WDPCP: variants seen among roughly 807,000 people sequenced by gnomAD.
WDPCP encodes WD repeat-containing and planar cell polarity effector protein fritz homolog.
In WDPCP, 71 loss-of-function variants were observed where a neutral mutation model predicts 93.1. The observed-to-expected ratio is 0.76, with a 90% CI of 0.63 to 0.93. The LOEUF (loss-of-function observed/expected upper bound fraction) is 0.93, where lower values mean the gene tolerates loss of function less well. WDPCP is among the 40% of genes least tolerant of loss of function. WDPCP has a pLI of 0.00. For missense variants in WDPCP, 844 were observed against 887.4 expected, an observed-to-expected ratio of 0.95 and a Z score of 0.62; for synonymous variants, 315 against 315.0, an observed-to-expected ratio of 1.00 and a Z score of 0.00.
chr2:63,432,875 A>G (rs572900418), intron 9 of WDPCP, among the ~76,000 whole-genome samples: 1 of 152,340 alleles, frequency 6.6e-6, no homozygotes, highest in Non-Finnish European at 1.5e-5. Context: ...CACAGAACAC[A>G]GAATTAGCTA....
intron 16 of WDPCP, 24 bp downstream of exon 16, chr2:63,153,471 C>T (rs535739534): frequency 2.6e-6 from 4 of 1,566,820 alleles, no homozygotes; most frequent in East Asian, 2.3e-5. Context: ...ACTTTGAATA[C>T]TTGGGTGTCT....
intron 10 of WDPCP, among the ~76,000 whole-genome samples, chr2:63,384,845 G>A (rs1257773966): frequency 1.3e-5 from 2 of 151,660 alleles, no homozygotes; most frequent in African/African-American, 4.8e-5. Context: ...GAATTACACT[G>A]ACACCAAAAA....
chr2:63,170,958 C>T (rs1350556706), intron 15 of WDPCP, among the ~76,000 whole-genome samples: 4 of 151,422 alleles, frequency 2.6e-5, no homozygotes, highest in Admixed American at 6.6e-5. Context: ...AAAGGCAATT[C>T]AGTGGGGAAA....
intron 14 of WDPCP, among the ~76,000 whole-genome samples, chr2:63,226,829 T>TA (rs1440236022): frequency 6.6e-6 from 1 of 151,952 alleles, no homozygotes; most frequent in African/African-American, 2.4e-5. Flanking sequence ...GAAGCAGTCT[T>TA]ATGCACAACA....
At chr2:63,414,732 G>A (rs1330393847) in intron 9 of WDPCP, among the ~76,000 whole-genome samples, 1 of 152,184 alleles carries the variant, frequency 6.6e-6, no homozygotes, top group Non-Finnish European at 1.5e-5. Context: ...GGAGGAAGGA[G>A]TGGAAGGGGA....
At chr2:63,658,030 C>A (rs1234574436) in intron 2 of WDPCP, among the ~76,000 whole-genome samples, 1 of 152,116 alleles carries the variant, frequency 6.6e-6, no homozygotes, top group African/African-American at 2.4e-5. Context: ...AGATAAAGGA[C>A]AATCTATAAT....
intron 14 of WDPCP, among the ~76,000 whole-genome samples, chr2:63,207,180 T>C (rs540013351): frequency 1.3e-5 from 2 of 152,326 alleles, no homozygotes; most frequent in East Asian, 1.9e-4. Context: ...TGTTGGCTGT[T>C]TGAATCTCAT....
At chr2:63,669,084 C>T (rs1710316674) in intron 2 of WDPCP, among the ~76,000 whole-genome samples, 1 of 152,142 alleles carries the variant, frequency 6.6e-6, no homozygotes, top group East Asian at 1.9e-4. Context: ...AGGTCAGTAA[C>T]ACATCTGTTC....
At chr2:63,365,202 T>C (rs1029425183) in intron 12 of WDPCP, among the ~76,000 whole-genome samples, 2 of 152,158 alleles carry the variant, frequency 1.3e-5, no homozygotes, top group African/African-American at 4.8e-5. Flanking sequence ...ACATGGCCCA[T>C]GTGGAAGAAT....
chr2:63,819,737 A>T (rs1241352706), intron 1 of WDPCP, among the ~76,000 whole-genome samples: 6 of 152,116 alleles, frequency 3.9e-5, no homozygotes, highest in African/African-American at 1.4e-4. Context: ...CCTTCACTTA[A>T]AAGAGAGAGG....
chr2:63,529,688 T>C (rs933103742), intron 1 of WDPCP, among the ~76,000 whole-genome samples: 3 of 152,218 alleles, frequency 2.0e-5, no homozygotes, highest in Non-Finnish European at 2.9e-5. Context: ...TTTTTCGTTG[T>C]GTCTCTGCCA....
chr2:63,230,699 AT>A (rs1678785822), intron 14 of WDPCP, among the ~76,000 whole-genome samples: 1 of 152,042 alleles, frequency 6.6e-6, no homozygotes, highest in Non-Finnish European at 1.5e-5. Flanking sequence ...GATGATGAGC[AT>A]TTTTTCATGT....
intron 2 of WDPCP, among the ~76,000 whole-genome samples, chr2:63,714,903 T>A (rs1444111154): frequency 6.6e-6 from 1 of 152,138 alleles, no homozygotes; most frequent in East Asian, 1.9e-4. Flanking sequence ...TAGTCAAAGG[T>A]GGCAACAACC....
intron 6 of WDPCP, among the ~76,000 whole-genome samples, chr2:63,445,323 G>A (rs1258743172): frequency 6.6e-6 from 1 of 151,940 alleles, no homozygotes; most frequent in Non-Finnish European, 1.5e-5. Flanking sequence ...TCCTCACTGG[G>A]GTCTCCCAGT....
chr2:63,739,761 A>G (rs751086674), intron 2 of WDPCP, among the ~76,000 whole-genome samples: 5 of 151,966 alleles, frequency 3.3e-5, no homozygotes, highest in Admixed American at 2.0e-4. Flanking sequence ...ACTTTTATTA[A>G]TAATAGCCAT....
chr2:63,233,710 TC>T (rs1229535866), intron 14 of WDPCP: 2 of 152,944 alleles, frequency 1.3e-5, no homozygotes, highest in Non-Finnish European at 2.9e-5. Context: ...TGTCTTAGTA[TC>T]CTCAATTCAA....
Position 63,161,880 on chromosome 2 carries a change from C to T in WDPCP, c.2079-8306G>A, listed in dbSNP as rs143595007. On this transcript the variant is annotated intron_variant, in intron 15 of 17. Coordinates refer to ENST00000272321, the MANE Select transcript of WDPCP (RefSeq NM_015910.7). ...CTGTGTTCAAGCGATTCTCCTGCCT[C>T]GGCCTCCTGAGTAGCTGGGACTGCA... Among the ~76,000 whole-genome samples, 259 of 152,038 alleles carry T rather than the reference C, an allele frequency of 1.7e-3. 5 individuals carry two copies. In the East Asian group the frequency reaches 0.044, roughly 26 times the overall value.
At chr2:63,236,111 C>T (rs1489717831) in intron 14 of WDPCP, among the ~76,000 whole-genome samples, 1 of 152,132 alleles carries the variant, frequency 6.6e-6, no homozygotes, top group Non-Finnish European at 1.5e-5. Flanking sequence ...GACTCCTAGA[C>T]CTGATAAATG....
chr2:63,240,598 G>A (rs969456652), intron 14 of WDPCP, among the ~76,000 whole-genome samples: 5 of 152,060 alleles, frequency 3.3e-5, no homozygotes, highest in South Asian at 2.1e-4. Flanking sequence ...CATTGGACAC[G>A]TATTCTGTTT....
Sources: gnomAD v4.1 joint callset for allele counts (sites outside exome capture counted in the v4.1 genomes callset) on GRCh38, gnomAD v4.1.1 for gene constraint, MANE v1.5 for transcripts, NCBI Gene and HGNC (gene_info 2026-07-23, HGNC 2026-07-21) for gene names.